Variants in ARHGEF12 observed in about 807,000 individuals in gnomAD.
The protein encoded by ARHGEF12 is KMT2A/ARHGEF12 fusion protein.
In ARHGEF12, 66 loss-of-function variants were observed where a neutral mutation model predicts 211.2. The observed-to-expected ratio is 0.31, with a 90% CI of 0.26 to 0.38. The LOEUF (loss-of-function observed/expected upper bound fraction) is 0.38, where lower values mean the gene tolerates loss of function less well. ARHGEF12 is among the 10% of genes least tolerant of loss of function. The probability of loss-of-function intolerance (pLI) is 1.00; values close to 1 mark genes in which losing one functional copy is unlikely to be tolerated. For missense variants in ARHGEF12, 1,429 were observed against 1,869.5 expected (o/e 0.76, Z 4.34); for synonymous variants, 592 against 638.4 (o/e 0.93, Z 1.09).
Position 120,486,721 on chromosome 11 carries a change from T to C in ARHGEF12, c.*1644T>C, listed in dbSNP as rs1243583748. 2 of 220,656 alleles carry C rather than the reference T, an allele frequency of 9.1e-6. No homozygotes were observed. Among genetic ancestry groups the C allele is most frequent in the African/African-American group, 2.2e-5 (1 of 44,684 alleles). The allele number at this position is 220,656 out of a possible 1,614,324, so 13.7% of individuals were successfully genotyped here. ...TTCCCTGCAGTCCAAAGATGATTTT[T>C]TCACCACAAATGGTAAGGGATGCCC... On this transcript the variant is annotated 3_prime_UTR_variant, in exon 41 of 41. Coordinates refer to ENST00000397843, the MANE Select transcript of ARHGEF12 (RefSeq NM_015313.3).
At position 120,473,121 on chromosome 11, in the gene ARHGEF12, G is replaced by T; in HGVS notation, c.3027G>T (p.Glu1009Asp). The change falls in exon 31 of 41, where the codon GAG becomes GAT. Residue 1009 changes from glutamate (E) to aspartate (D), a missense_variant. Physicochemically the swap from Glu to Asp is conservative, Grantham distance 45. Coordinates refer to ENST00000397843, the MANE Select transcript of ARHGEF12 (RefSeq NM_015313.3). ...TGTCAGAGTACCCAAATGTTGAAGA[G>T]CTCAGGGTGAGAGATGGTCTAATCA... is the stretch of plus-strand genomic sequence containing the variant. ...LKLSEYPNVE[E>D]LRNLDLTKRK... 6.2e-7 allele frequency: 1 copy of T among 1,612,980 alleles called. No homozygotes were observed. Among genetic ancestry groups the T allele is most frequent in the Non-Finnish European group, 8.5e-7 (1 of 1,179,432 alleles).
rs535675859 is a variant in ARHGEF12 at position 120,457,288 on chromosome 11, C to T, written c.2189+38C>T. On this transcript the variant is annotated intron_variant, in intron 23 of 40. Transcript: ENST00000397843. ...TCTCTTAGAGAAGCTTAGGGCATTA[C>T]TTAAAGTTTTTAAATTATATGCTAT... The T allele has an allele frequency of 1.4e-4, 228 of 1,607,836 alleles. 2 individuals carry two copies. In the South Asian group the frequency reaches 2.4e-3, roughly 17 times the overall value.
At chr11:120,408,350 C>G (rs1301644835) in intron 3 of ARHGEF12, 1 of 152,220 alleles carries the variant, frequency 6.6e-6, no homozygotes, top group Admixed American at 6.5e-5. Context: ...GTCTTTCAAC[C>G]TAAGCAGTGT....
At chr11:120,429,647 T>C in intron 9 of ARHGEF12, 65 bp from the exon 10 acceptor site, 1 of 1,569,818 alleles carries the variant, frequency 6.4e-7, no homozygotes, top group Non-Finnish European at 8.7e-7. Flanking sequence ...TGATTAAGAA[T>C]GGACTATTTC....
chr11:120,459,159 C>T lies in ARHGEF12; in HGVS notation c.2381-15C>T. The T allele has an allele frequency of 1.0e-5, 16 of 1,592,196 alleles. No homozygotes were observed. Among genetic ancestry groups the T allele is most frequent in the Non-Finnish European group, 1.4e-5 (16 of 1,169,902 alleles). On this transcript the variant is annotated splice_polypyrimidine_tract_variant and intron_variant, in intron 25 of 40. Coordinates refer to ENST00000397843, the MANE Select transcript of ARHGEF12 (RefSeq NM_015313.3). The stretch of plus-strand genomic sequence containing the variant: ...TTCTAAGTAAGGCAACATTTCATAT[C>T]TCTTTCCTGTTCAGAATTGTTCTAC...
chr11:120,416,809 G>A (rs1033193505), intron 4 of ARHGEF12, among the ~76,000 whole-genome samples: 3 of 152,006 alleles, frequency 2.0e-5, no homozygotes, highest in Non-Finnish European at 4.4e-5. Flanking sequence ...GCGCCACCAC[G>A]CACAGCTAGT....
chr11:120,405,933 C>A, intron 1 of ARHGEF12, 185 bp from the exon 2 acceptor site: 1 of 483,286 alleles, frequency 2.1e-6, no homozygotes, highest in South Asian at 3.7e-5. Context: ...TAAGATTTAA[C>A]AAAGTAGTTA....
chr11:120,369,067 C>T (rs1943513750), intron 1 of ARHGEF12, among the ~76,000 whole-genome samples: 1 of 151,666 alleles, frequency 6.6e-6, no homozygotes, highest in Non-Finnish European at 1.5e-5. Flanking sequence ...ATGATAACAA[C>T]ATCGTCTTTT....
intron 1 of ARHGEF12, among the ~76,000 whole-genome samples, chr11:120,404,279 G>A (rs1302305780): frequency 2.0e-5 from 3 of 152,118 alleles, no homozygotes; most frequent in African/African-American, 4.8e-5. Flanking sequence ...GATTATCTTG[G>A]TGACTTTCCT....
chr11:120,453,892 A>G (rs1398878939), intron 22 of ARHGEF12, among the ~76,000 whole-genome samples: 2 of 152,234 alleles, frequency 1.3e-5, no homozygotes, highest in Non-Finnish European at 2.9e-5. Flanking sequence ...AGCAAAAATG[A>G]TGAACTAATT....
chr11:120,446,855 A>G lies in ARHGEF12; in HGVS notation c.1452-93A>G, dbSNP rs1216254800. 8.9e-6 allele frequency: 13 copies of G among 1,455,448 alleles called. No homozygotes were observed. In the East Asian group the frequency reaches 2.3e-4, roughly 26 times the overall value. The allele number at this position is 1,455,448 out of a possible 1,614,324, so 90.2% of individuals were successfully genotyped here. ...GAAAAGTGACATTTTTCCTGTTCCTAGAAACCATAGCTGTGAAGACTGTGA... is the reference window on the plus strand; with the variant it reads ...GAAAAGTGACATTTTTCCTGTTCCTGGAAACCATAGCTGTGAAGACTGTGA... On this transcript the variant is annotated intron_variant, in intron 17 of 40. Coordinates refer to ENST00000397843, the MANE Select transcript of ARHGEF12 (RefSeq NM_015313.3).
chr11:120,419,687 C>G (rs1945127069), intron 4 of ARHGEF12, among the ~76,000 whole-genome samples: 1 of 151,850 alleles, frequency 6.6e-6, no homozygotes, highest in Non-Finnish European at 1.5e-5. Flanking sequence ...TACACACAGT[C>G]TATATATATT....
intron 1 of ARHGEF12, among the ~76,000 whole-genome samples, chr11:120,359,809 T>C (rs1038802598): frequency 1.3e-5 from 2 of 152,154 alleles, no homozygotes; most frequent in African/African-American, 4.8e-5. Context: ...GGAGTAGTAG[T>C]AGAACAGGCA....
Position 120,446,598 on chromosome 11 carries a change from G to A in ARHGEF12, c.1451+90G>A, listed in dbSNP as rs1199236478. On this transcript the variant is annotated intron_variant, in intron 17 of 40. Coordinates refer to ENST00000397843, the MANE Select transcript of ARHGEF12 (RefSeq NM_015313.3). The stretch of plus-strand genomic sequence containing the variant: ...AGTTGCTCATTAAATACTTAGCTTA[G>A]CACTAGATAAACCATATGGTCTTAT... The A allele has an allele frequency of 1.6e-5, 15 of 944,198 alleles. No homozygotes were observed. In the East Asian group the frequency reaches 2.9e-4, roughly 18 times the overall value. The allele number at this position is 944,198 out of a possible 1,614,324, so 58.5% of individuals were successfully genotyped here.
intron 1 of ARHGEF12, chr11:120,338,017 C>T (rs1942410216): frequency 1.6e-6 from 1 of 615,332 alleles, no homozygotes; most frequent in Non-Finnish European, 2.0e-6. Flanking sequence ...TAGCACCTAC[C>T]AGTGTTGCAT....
chr11:120,368,230 A>T (rs541876298), intron 1 of ARHGEF12, among the ~76,000 whole-genome samples: 4 of 152,272 alleles, frequency 2.6e-5, no homozygotes, highest in East Asian at 3.9e-4. Flanking sequence ...CATGATAACA[A>T]CATCATCTTA....
intron 1 of ARHGEF12, among the ~76,000 whole-genome samples, chr11:120,377,401 C>T (rs1426998822): frequency 6.6e-6 from 1 of 151,798 alleles, no homozygotes; most frequent in Non-Finnish European, 1.5e-5. Flanking sequence ...AGTACAGTGG[C>T]GCAAACACAG....
At chr11:120,337,698 A>G (rs552267630) in intron 1 of ARHGEF12, 1,101 of 985,416 alleles carry the variant, frequency 1.1e-3, no homozygotes, top group Admixed American at 1.5e-3. Context: ...AGGAATTTCT[A>G]CCTGTGAACT....
Position 120,475,347 on chromosome 11 carries a change from C to T in ARHGEF12, c.3117C>T (p.Tyr1039=). 6.2e-7 allele frequency: 1 copy of T among 1,613,716 alleles called. No homozygotes were observed. Among genetic ancestry groups the T allele is most frequent in the South Asian group, 1.1e-5 (1 of 91,018 alleles). Residue 1039 remains tyrosine, a synonymous_variant, in exon 33 of 41, where the codon TAC becomes TAT. Transcript: ENST00000397843. ...CTGCACTTTTATTTCTAGATTTATA[C>T]ACGTTGCTGCTGGAAGACATTCTTG... The part of the protein sequence containing the change: ...KVNRDKTIDL[Y]TLLLEDILVL...
Sources: gnomAD v4.1 joint callset for allele counts (sites outside exome capture counted in the v4.1 genomes callset) on GRCh38, gnomAD v4.1.1 for gene constraint, MANE v1.5 for transcripts, NCBI Gene and HGNC (gene_info 2026-07-23, HGNC 2026-07-21) for gene names.